The following RNF216 variants were observed in gnomAD, a reference collection of about 807,000 sequenced individuals.
RNF216 encodes the protein ring finger protein 216.
Under a neutral mutation model 110.8 loss-of-function variants are expected in RNF216, and 72 were observed. That is an observed-to-expected ratio of 0.65 (90% CI 0.54 to 0.79). The LOEUF is 0.79. RNF216 is among the 30% of genes least tolerant of loss of function. The probability of loss-of-function intolerance (pLI) is 0.00; values close to 1 mark genes in which losing one functional copy is unlikely to be tolerated. For missense variants in RNF216, 1,342 were observed against 1,141.2 expected, an observed-to-expected ratio of 1.18 and a Z score of -2.54; for synonymous variants, 495 against 407.5, an observed-to-expected ratio of 1.21 and a Z score of -2.59.
At chr7:5,756,649 C>T (rs1274221025) in intron 2 of RNF216, among the ~76,000 whole-genome samples, 1 of 152,156 alleles carries the variant, frequency 6.6e-6, no homozygotes, top group African/African-American at 2.4e-5. Flanking sequence ...GCGACAGGGT[C>T]GCTCTCTGTT....
chr7:5,680,968 G>A lies in RNF216; in HGVS notation c.2062-28458C>T, dbSNP rs186655582. ...AGATCCCCTCTGGCTGGGCCATGGC[G>A]GAGAGCCTGGACTTCAGGCCATCCC... is the stretch of plus-strand genomic sequence containing the variant. On this transcript the variant is annotated intron_variant, in intron 13 of 16. Transcript: ENST00000389902. This position sits in a 1 kb window ranked among gnomAD's most constrained non-coding sequence, Gnocchi z 4.3. 3.7e-4 allele frequency among the ~76,000 whole-genome samples: 57 copies of A among 152,228 alleles called. 1 individual carries two copies. The highest frequency in any genetic ancestry group is 1.2e-3 in the East Asian group (6 of 5,180).
At chr7:5,738,392 T>C (rs1489107545) in intron 5 of RNF216, among the ~76,000 whole-genome samples, 1 of 151,974 alleles carries the variant, frequency 6.6e-6, no homozygotes, top group Non-Finnish European at 1.5e-5. Context: ...GTCTGGCCCG[T>C]ATTTATCCCT....
rs142994950 is a variant in RNF216 at position 5,716,468 on chromosome 7, T to C, written c.1695+248A>G. ...AGTTGTAAACTTTCCTTTATGAGTG[T>C]ATCTGATGAATGTCAGGTAATGATT... On this transcript the variant is annotated intron_variant, in intron 10 of 16. Coordinates refer to ENST00000389902, the MANE Select transcript of RNF216 (RefSeq NM_207111.4). 3.9e-3 allele frequency among the ~76,000 whole-genome samples: 590 copies of C among 152,276 alleles called. 3 individuals are homozygous for C. Among genetic ancestry groups the C allele is most frequent in the African/African-American group, 0.014 (569 of 41,548 alleles).
intron 14 of RNF216, among the ~76,000 whole-genome samples, chr7:5,646,123 G>C (rs1414039399): frequency 6.6e-6 from 1 of 152,076 alleles, no homozygotes; most frequent in Non-Finnish European, 1.5e-5. Flanking sequence ...TTGAAAACTG[G>C]GTGTTTTGAA....
intron 14 of RNF216, among the ~76,000 whole-genome samples, chr7:5,651,851 G>A (rs1788412369): frequency 6.6e-6 from 1 of 152,094 alleles, no homozygotes; most frequent in Non-Finnish European, 1.5e-5. Context: ...GTTTCACCAT[G>A]TTGGCCAGGA....
chr7:5,730,719 G>A lies in RNF216; in HGVS notation c.1220C>T (p.Thr407Ile). ...SSSLLASQDE[T>I]KLPKIDFFDY... is the part of the protein sequence containing the mutation. The stretch of plus-strand genomic sequence containing the variant: ...AAACATGAACATGACACTTGCCTTT[G>A]TCTCATCTTGGCTGGCCAGCAGACT... The change falls in exon 6 of 17, where the codon ACA becomes ATA. Residue 407 changes from threonine (T) to isoleucine (I), a missense_variant. Transcript: ENST00000389902. 3 of 1,603,878 alleles carry A rather than the reference G, an allele frequency of 1.9e-6. No homozygotes were observed. Among genetic ancestry groups the A allele is most frequent in the Middle Eastern group, 3.3e-4 (2 of 6,024 alleles).
intron 13 of RNF216, among the ~76,000 whole-genome samples, chr7:5,683,767 T>C (rs2128607278): frequency 6.6e-6 from 1 of 152,314 alleles, no homozygotes; most frequent in African/African-American, 2.4e-5. Context: ...AGATAATCAA[T>C]GAGCCATACA....
intron 1 of RNF216, among the ~76,000 whole-genome samples, chr7:5,779,828 CAAAAAAA>C (rs35798344): frequency 2.0e-5 from 1 of 51,254 alleles, no homozygotes; most frequent in Non-Finnish European, 3.5e-5. Context: ...GACTCCGCCT[CAAAAAAA>C]AAAAAAAAAT....
chr7:5,643,178 T>C (rs892132938), intron 14 of RNF216, among the ~76,000 whole-genome samples: 1 of 152,126 alleles, frequency 6.6e-6, no homozygotes, highest in African/African-American at 2.4e-5. Flanking sequence ...ATTGCTGAAA[T>C]GTTAAACAGC....
At chr7:5,658,750 G>T (rs753316677) in intron 13 of RNF216, among the ~76,000 whole-genome samples, 1 of 150,564 alleles carries the variant, frequency 6.6e-6, no homozygotes, top group Admixed American at 6.6e-5. Flanking sequence ...TAAATTTTCT[G>T]TATCTGTGTA....
At chr7:5,725,192 T>C (rs1176129474) in intron 8 of RNF216, 132 bp downstream of exon 8, 22 of 539,828 alleles carry the variant, frequency 4.1e-5, no homozygotes, top group Non-Finnish European at 7.3e-5. Context: ...AAATAGTTCC[T>C]GTCAGTCACT....
intron 1 of RNF216, among the ~76,000 whole-genome samples, chr7:5,768,895 T>TTA: frequency 2.0e-5 from 3 of 151,508 alleles, no homozygotes; most frequent in African/African-American, 7.3e-5. Context: ...TCTCCTGACC[T>TTA]CGTGATCCAC....
chr7:5,742,691 G>A (rs1005000116), intron 3 of RNF216, among the ~76,000 whole-genome samples: 3 of 144,364 alleles, frequency 2.1e-5, no homozygotes, highest in African/African-American at 5.2e-5. Context: ...TGCCTCCCAG[G>A]TTCAAGCAAT....
chr7:5,759,251 G>C (rs1266636360), intron 2 of RNF216, among the ~76,000 whole-genome samples: 1 of 152,142 alleles, frequency 6.6e-6, no homozygotes, highest in African/African-American at 2.4e-5. Context: ...ACAGCCTACA[G>C]AATTGTGAAC....
At chr7:5,639,353 C>A (rs376165965) in intron 15 of RNF216, among the ~76,000 whole-genome samples, 1 of 152,276 alleles carries the variant, frequency 6.6e-6, no homozygotes, top group South Asian at 2.1e-4. Flanking sequence ...CTAGCCCACC[C>A]CTGGGCTGTT....
intron 13 of RNF216, among the ~76,000 whole-genome samples, chr7:5,703,297 T>C (rs1386483807): frequency 6.6e-6 from 1 of 152,230 alleles, no homozygotes; most frequent in Non-Finnish European, 1.5e-5. Flanking sequence ...TTCATTCATC[T>C]CTAGATAAAT....
intron 13 of RNF216, among the ~76,000 whole-genome samples, chr7:5,657,533 C>T (rs1432713305): frequency 2.6e-5 from 4 of 151,900 alleles, no homozygotes; most frequent in Non-Finnish European, 5.9e-5. Flanking sequence ...TGCCATTGCA[C>T]TCCAGCCTGG....
intron 3 of RNF216, among the ~76,000 whole-genome samples, chr7:5,742,577 G>A (rs1039235943): frequency 6.8e-5 from 10 of 147,048 alleles, no homozygotes; most frequent in African/African-American, 2.5e-4. Context: ...GGTGAGGATG[G>A]TGAAAAATCT....
At chr7:5,742,986 G>T (rs1042221519) in intron 3 of RNF216, among the ~76,000 whole-genome samples, 3 of 152,292 alleles carry the variant, frequency 2.0e-5, no homozygotes, top group Admixed American at 1.3e-4. Context: ...ACGTAGGCCA[G>T]GCGTGGTGGC....
Sources: allele counts gnomAD v4.1 joint callset (sites outside exome capture counted in the v4.1 genomes callset), GRCh38; gene constraint gnomAD v4.1.1; non-coding constraint Gnocchi (gnomAD v3.1); transcripts MANE v1.5; gene names NCBI Gene and HGNC (gene_info 2026-07-23, HGNC 2026-07-21).